HADH: variants seen among roughly 807,000 people sequenced by gnomAD.
HADH encodes the protein hydroxyacyl-coenzyme A dehydrogenase, mitochondrial.
In HADH, 24 loss-of-function variants were observed where a neutral mutation model predicts 32.2. That is an observed-to-expected ratio of 0.75 (90% CI 0.54 to 1.05). The LOEUF is 1.05. HADH is among the 50% of genes least tolerant of loss of function. The probability of loss-of-function intolerance (pLI) is 0.00; values close to 1 mark genes in which losing one functional copy is unlikely to be tolerated. For missense variants in HADH, 350 were observed against 397.1 expected, an observed-to-expected ratio of 0.88 and a Z score of 1.01; for synonymous variants, 139 against 152.5, an observed-to-expected ratio of 0.91 and a Z score of 0.65.
chr4:107,999,690 C>G (rs536566843), intron 1 of HADH, among the ~76,000 whole-genome samples: 1 of 152,122 alleles, frequency 6.6e-6, no homozygotes, highest in East Asian at 1.9e-4. Flanking sequence ...TGAAATATCT[C>G]CCTTGTGCTA....
intron 2 of HADH, among the ~76,000 whole-genome samples, chr4:108,011,471 C>A (rs1204831433): frequency 6.6e-6 from 1 of 152,168 alleles, no homozygotes; most frequent in Admixed American, 6.5e-5. Flanking sequence ...GGGCCCCTCC[C>A]ACAACACGTG....
At chr4:108,015,054 C>T (rs1163435576) in intron 3 of HADH, among the ~76,000 whole-genome samples, 5 of 152,174 alleles carry the variant, frequency 3.3e-5, no homozygotes, top group Admixed American at 6.6e-5. Flanking sequence ...AGGTTGATTT[C>T]GTGTCTTTGC....
chr4:108,017,929 C>A (rs1735749876), intron 3 of HADH, among the ~76,000 whole-genome samples: 1 of 152,136 alleles, frequency 6.6e-6, no homozygotes, highest in South Asian at 2.1e-4. Context: ...CTTTTAGGAA[C>A]AAAGTCAGCC....
Position 108,005,946 on chromosome 4 carries a change from G to A in HADH, c.133-3813G>A, listed in dbSNP as rs962688075. Among the ~76,000 whole-genome samples the A allele has an allele frequency of 2.0e-5, 3 of 152,226 alleles. No individual in the cohort carries two copies. In the South Asian group the frequency reaches 6.2e-4, roughly 32 times the overall value. On this transcript the variant is annotated intron_variant, in intron 1 of 7. Coordinates refer to ENST00000309522, the MANE Select transcript of HADH (RefSeq NM_005327.7). ...TGGTTAGTCAGCCAGGAGCAGGCAGGTGACCATCAAGGAATCTGTACAGGG... is the reference window on the plus strand; with the variant it reads ...TGGTTAGTCAGCCAGGAGCAGGCAGATGACCATCAAGGAATCTGTACAGGG...
chr4:108,034,258 A>G lies in HADH; in HGVS notation c.846A>G (p.Ala282=), dbSNP rs776947917. 1.2e-6 allele frequency: 2 copies of G among 1,609,388 alleles called. No homozygotes were observed. Among genetic ancestry groups the G allele is most frequent in the Non-Finnish European group, 1.7e-6 (2 of 1,175,602 alleles). Residue 282 remains alanine, a synonymous_variant, in exon 8 of 8, where the codon GCA becomes GCG. Transcript: ENST00000309522. The part of the protein sequence containing the change: ...FIVDGWHEMD[A]ENPLHQPSPS... ...CAATAGGGTGGCATGAAATGGATGCAGAGAACCCATTACATCAGCCCAGCC... is the reference window on the plus strand; with the variant it reads ...CAATAGGGTGGCATGAAATGGATGCGGAGAACCCATTACATCAGCCCAGCC...
chr4:108,012,582 G>A (rs1735536797), intron 2 of HADH, among the ~76,000 whole-genome samples: 1 of 152,190 alleles, frequency 6.6e-6, no homozygotes, highest in Non-Finnish European at 1.5e-5. Flanking sequence ...CTTTTTGAAA[G>A]AGGCAAAGGC....
chr4:108,030,947 TC>T (rs1736241467), intron 6 of HADH: 1 of 152,232 alleles, frequency 6.6e-6, no homozygotes, highest in Non-Finnish European at 1.5e-5. Context: ...TAGATATTTT[TC>T]TATCATGTGC....
chr4:108,023,542 A>G lies in HADH; in HGVS notation c.615A>G (p.Gly205=), dbSNP rs988709454. Residue 205 remains glycine, a synonymous_variant, in exon 5 of 8, where the codon GGA becomes GGG. Coordinates refer to ENST00000309522, the MANE Select transcript of HADH (RefSeq NM_005327.7). The stretch of plus-strand genomic sequence containing the variant: ...TGGTAGACTTTAGCAAAGCCCTAGG[A>G]AAGCATCCTGTTTCTTGCAAGGTAA... ...ESLVDFSKAL[G]KHPVSCKDTP... 2.5e-6 allele frequency: 4 copies of G among 1,606,700 alleles called. No homozygotes were observed. Among genetic ancestry groups the G allele is most frequent in the Non-Finnish European group, 3.4e-6 (4 of 1,173,172 alleles).
At chr4:108,027,897 GCTGCACC>G in intron 6 of HADH, 137 bp downstream of exon 6, 1 of 704,334 alleles carries the variant, frequency 1.4e-6, no homozygotes, top group Non-Finnish European at 2.6e-6. Context: ...TGTGAGCTCA[GCTGCACC>G]CTGAGCCCTG....
chr4:107,998,544 C>T lies in HADH; in HGVS notation c.132+8480C>T, dbSNP rs182721437. ...CTGCCCGCCTTAGCCTCCCAAAGTC[C>T]TGGGATTGCAAGTGTGAGCTACCGC... On this transcript the variant is annotated intron_variant, in intron 1 of 7. Transcript: ENST00000309522. Among the ~76,000 whole-genome samples the T allele has an allele frequency of 2.8e-3, 432 of 152,186 alleles. 2 individuals are homozygous for T. Among genetic ancestry groups the T allele is most frequent in the African/African-American group, 9.9e-3 (411 of 41,538 alleles).
At chr4:108,010,595 G>A (rs1457750875) in intron 2 of HADH, among the ~76,000 whole-genome samples, 3 of 152,110 alleles carry the variant, frequency 2.0e-5, no homozygotes, top group Admixed American at 2.0e-4. Flanking sequence ...GTACACATAA[G>A]GCATTTGTTG....
intron 5 of HADH, chr4:108,026,068 G>A (rs1367048257): frequency 6.6e-6 from 1 of 152,084 alleles, no homozygotes; most frequent in African/African-American, 2.4e-5. Context: ...TCGAGATGGA[G>A]TCTTGCAGTG....
chr4:108,030,386 C>G (rs570950183), intron 6 of HADH: 1 of 152,726 alleles, frequency 6.5e-6, no homozygotes, highest in South Asian at 2.1e-4. Context: ...ACTATACTCT[C>G]TTTTCTGGGG....
At chr4:107,999,791 G>A (rs1735064222) in intron 1 of HADH, among the ~76,000 whole-genome samples, 1 of 152,142 alleles carries the variant, frequency 6.6e-6, no homozygotes. Context: ...ACAACTAATT[G>A]TAATGAAGGC....
intron 1 of HADH, among the ~76,000 whole-genome samples, chr4:108,003,555 G>C (rs1353017678): frequency 6.6e-6 from 1 of 152,098 alleles, no homozygotes; most frequent in East Asian, 1.9e-4. Flanking sequence ...TGGTGGTAAA[G>C]CAAAGGCCAG....
At chr4:108,000,914 G>C (rs1042559140) in intron 1 of HADH, among the ~76,000 whole-genome samples, 1 of 152,194 alleles carries the variant, frequency 6.6e-6, no homozygotes, top group African/African-American at 2.4e-5. Context: ...CAAGGCATGT[G>C]ATAAGTACTA....
Position 108,007,248 on chromosome 4 carries a change from A to G in HADH, c.133-2511A>G, listed in dbSNP as rs1375064753. Among the ~76,000 whole-genome samples, 3 of 152,224 alleles carry G rather than the reference A, an allele frequency of 2.0e-5. No individual in the cohort carries two copies. The East Asian group carries it at 5.8e-4, about 29-fold the overall frequency. On this transcript the variant is annotated intron_variant, in intron 1 of 7. Coordinates refer to ENST00000309522, the MANE Select transcript of HADH (RefSeq NM_005327.7). ...CAGCCTCCCGAGTAGCTGGGACTACAGGCGCCCGCCACCACGCCCGGCTAA... is the reference window on the plus strand; with the variant it reads ...CAGCCTCCCGAGTAGCTGGGACTACGGGCGCCCGCCACCACGCCCGGCTAA...
At chr4:108,018,784 A>G (rs1413629494) in intron 3 of HADH, among the ~76,000 whole-genome samples, 1 of 152,192 alleles carries the variant, frequency 6.6e-6, no homozygotes, top group African/African-American at 2.4e-5. Flanking sequence ...GTGGCGCTGC[A>G]GGAAAGCCTG....
chr4:107,999,016 GA>G (rs1735037116), intron 1 of HADH, among the ~76,000 whole-genome samples: 1 of 152,176 alleles, frequency 6.6e-6, no homozygotes, highest in Admixed American at 6.5e-5. Flanking sequence ...TAATAAGCCT[GA>G]ACAATAAATG....
Sources: gnomAD v4.1 joint callset for allele counts (sites outside exome capture counted in the v4.1 genomes callset) on GRCh38, gnomAD v4.1.1 for gene constraint, MANE v1.5 for transcripts, NCBI Gene and HGNC (gene_info 2026-07-23, HGNC 2026-07-21) for gene names.